The following ALK variants were observed in gnomAD, a reference collection of about 807,000 sequenced individuals.
The protein encoded by ALK is ALK receptor tyrosine kinase, also known as ALK tyrosine kinase receptor.
In ALK, 74 loss-of-function variants were observed where a neutral mutation model predicts 163.1. The observed-to-expected ratio is 0.45, with a 90% CI of 0.38 to 0.55. The LOEUF is 0.55. Ranked by LOEUF, ALK falls within the 20% of genes least tolerant of loss-of-function variation. The pLI is 0.00. For synonymous variants in ALK, 960 were observed against 843.2 expected, an observed-to-expected ratio of 1.14 and a Z score of -2.40; for missense variants, 2,063 against 2,105.3, an observed-to-expected ratio of 0.98 and a Z score of 0.39.
intron 1 of ALK, among the ~76,000 whole-genome samples, chr2:29,898,079 AAAAG>A (rs940691036): frequency 7.9e-5 from 12 of 152,240 alleles, no homozygotes; most frequent in Non-Finnish European, 1.8e-4. Flanking sequence ...AGGGAAGAAT[AAAAG>A]AAAGAGGGAG....
chr2:29,842,068 C>G (rs894397528), intron 1 of ALK, among the ~76,000 whole-genome samples: 1 of 151,842 alleles, frequency 6.6e-6, no homozygotes, highest in African/African-American at 2.4e-5. Flanking sequence ...TCTCCATCCT[C>G]CCCCCTCCTT....
chr2:29,642,945 C>T (rs17008377), intron 3 of ALK, among the ~76,000 whole-genome samples: 2,341 of 152,280 alleles, frequency 0.015, 61 homozygotes, highest in African/African-American at 0.053. Context: ...AAGTATCATA[C>T]TATGTGAGAT....
intron 5 of ALK, among the ~76,000 whole-genome samples, chr2:29,380,193 C>T (rs1668861482): frequency 1.3e-5 from 2 of 151,686 alleles, no homozygotes; most frequent in Admixed American, 6.6e-5. Context: ...GTAACCTCTG[C>T]CTCCTGGGTT....
chr2:29,393,125 C>T (rs1669220532), intron 4 of ALK, among the ~76,000 whole-genome samples: 1 of 152,118 alleles, frequency 6.6e-6, no homozygotes, highest in Admixed American at 6.5e-5. Context: ...CTACTCCCAT[C>T]ATTTGAGTTC....
intron 5 of ALK, among the ~76,000 whole-genome samples, chr2:29,366,063 T>C (rs1668498646): frequency 6.6e-6 from 1 of 152,330 alleles, no homozygotes; most frequent in Non-Finnish European, 1.5e-5. Context: ...AAATACAGAT[T>C]TTTAGCAGTA....
At chr2:29,515,385 T>C (rs1672633739) in intron 4 of ALK, among the ~76,000 whole-genome samples, 1 of 152,152 alleles carries the variant, frequency 6.6e-6, no homozygotes, top group African/African-American at 2.4e-5. Context: ...TTTCTGCTTG[T>C]CCCCTGTTCT....
chr2:29,532,495 A>G (rs555648272), intron 3 of ALK, among the ~76,000 whole-genome samples: 10 of 152,334 alleles, frequency 6.6e-5, no homozygotes, highest in Non-Finnish European at 1.2e-4. Flanking sequence ...AAAAGCATTA[A>G]CTTTCTTAGG....
At chr2:29,295,549 T>C (rs564113131) in intron 9 of ALK, among the ~76,000 whole-genome samples, 8 of 152,192 alleles carry the variant, frequency 5.3e-5, no homozygotes, top group Non-Finnish European at 1.2e-4. Flanking sequence ...TGGGCTTTGA[T>C]CGTTAACCCA....
chr2:29,569,944 A>C (rs1674308665), intron 3 of ALK, among the ~76,000 whole-genome samples: 1 of 152,182 alleles, frequency 6.6e-6, no homozygotes, highest in African/African-American at 2.4e-5. Context: ...CCAGGCTCAG[A>C]GCTCCAGAGG....
chr2:29,713,656 G>A (rs2148304040), intron 2 of ALK, among the ~76,000 whole-genome samples: 1 of 152,262 alleles, frequency 6.6e-6, no homozygotes, highest in Non-Finnish European at 1.5e-5. Context: ...GAGTCAGAAA[G>A]TCCAGGTTCA....
chr2:29,239,865 G>A (rs1664479222), intron 12 of ALK, 35 bp from the exon 13 acceptor site: 1 of 1,604,700 alleles, frequency 6.2e-7, no homozygotes, highest in Non-Finnish European at 8.5e-7. Flanking sequence ...CTCCCGCTGT[G>A]GTATGAAGAC....
chr2:29,205,141 G>A (rs1479858859), intron 26 of ALK, among the ~76,000 whole-genome samples: 1 of 152,066 alleles, frequency 6.6e-6, no homozygotes, highest in Non-Finnish European at 1.5e-5. Context: ...CTCCATTTAT[G>A]GTTGCAATAG....
chr2:29,380,061 C>T (rs569165755), intron 5 of ALK, among the ~76,000 whole-genome samples: 81 of 151,024 alleles, frequency 5.4e-4, no homozygotes, highest in South Asian at 6.3e-4. Context: ...ACATCCTACA[C>T]GGCTAAAGCA....
chr2:29,766,487 C>T (rs767165949), intron 1 of ALK, among the ~76,000 whole-genome samples: 4 of 152,180 alleles, frequency 2.6e-5, no homozygotes, highest in Non-Finnish European at 5.9e-5. Context: ...TCCTTCTCTT[C>T]CCCACCACCT....
chr2:29,677,218 C>T (rs560692258), intron 3 of ALK, among the ~76,000 whole-genome samples: 123 of 144,922 alleles, frequency 8.5e-4, no homozygotes, highest in East Asian at 6.3e-3. Flanking sequence ...TCCTCCTTCC[C>T]TCCCTTCTTC....
chr2:29,504,999 G>A (rs1432252163), intron 4 of ALK, among the ~76,000 whole-genome samples: 1 of 152,178 alleles, frequency 6.6e-6, no homozygotes, highest in Non-Finnish European at 1.5e-5. Context: ...GGCTGGAGGT[G>A]GGGCAGAGAC....
intron 4 of ALK, among the ~76,000 whole-genome samples, chr2:29,465,753 T>A (rs1671196364): frequency 6.6e-6 from 1 of 151,822 alleles, no homozygotes; most frequent in Non-Finnish European, 1.5e-5. Context: ...GCAAATGATA[T>A]CAGATGAAAA....
At chr2:29,358,145 T>C (rs1254743094) in intron 5 of ALK, among the ~76,000 whole-genome samples, 2 of 152,208 alleles carry the variant, frequency 1.3e-5, no homozygotes, top group African/African-American at 2.4e-5. Context: ...CAGGAGTACC[T>C]ATAAAGTTGC....
intron 1 of ALK, among the ~76,000 whole-genome samples, chr2:29,831,684 T>G (rs1207787108): frequency 2.6e-5 from 4 of 152,160 alleles, no homozygotes; most frequent in African/African-American, 9.7e-5. Context: ...GCCTTGGGAG[T>G]TGATAGAAAT....
Sources: allele counts gnomAD v4.1 joint callset (sites outside exome capture counted in the v4.1 genomes callset), GRCh38; gene constraint gnomAD v4.1.1; transcripts MANE v1.5; gene names NCBI Gene and HGNC (gene_info 2026-07-23, HGNC 2026-07-21).